HIP1: variants seen among roughly 807,000 people sequenced by gnomAD.
The protein encoded by HIP1 is huntingtin interacting protein 1.
Under a neutral mutation model 147.6 loss-of-function variants are expected in HIP1, and 65 were observed. The ratio of observed to expected loss-of-function variants is 0.44; its 90% confidence interval spans 0.36 to 0.54. The LOEUF (loss-of-function observed/expected upper bound fraction) is 0.54. HIP1 is among the 20% of genes least tolerant of loss of function. HIP1 has a pLI of 0.00. For synonymous variants in HIP1, 479 were observed against 504.0 expected (o/e 0.95, Z 0.67); for missense variants, 1,061 against 1,299.6 (o/e 0.82, Z 2.82).
intron 6 of HIP1, 118 bp downstream of exon 6, chr7:75,581,957 C>A (rs1009969589): frequency 1.7e-5 from 13 of 766,640 alleles, no homozygotes; most frequent in Non-Finnish European, 2.8e-5. Flanking sequence ...CACCCAGGGG[C>A]TTTGGTCCCC....
intron 28 of HIP1, among the ~76,000 whole-genome samples, chr7:75,542,326 G>A (rs587668639): frequency 6.6e-6 from 1 of 151,982 alleles, no homozygotes; most frequent in Non-Finnish European, 1.5e-5. Flanking sequence ...AACCCTGGAG[G>A]CGGAGGTTGC....
rs56245143 is a variant in HIP1, at chr7:75,568,187, T to G, written c.803+12A>C. The G allele has an allele frequency of 6.3e-7, 1 of 1,597,536 alleles. No homozygotes were observed. The highest frequency in any genetic ancestry group is 8.6e-7 in the Non-Finnish European group (1 of 1,164,926). On this transcript the variant is annotated intron_variant, in intron 9 of 30. Coordinates refer to ENST00000336926, the MANE Select transcript of HIP1 (RefSeq NM_005338.7). The surrounding 1 kb of genome is among the most constrained non-coding windows in gnomAD (Gnocchi z 4.1). The stretch of plus-strand genomic sequence containing the variant: ...TGAATTCACCTCCATTCCTGTTACT[T>G]GAACCACTTACTTTGTAAACTGCTC...
chr7:75,591,922 G>A (rs1796513816), intron 4 of HIP1, 134 bp downstream of exon 4: 8 of 784,924 alleles, frequency 1.0e-5, no homozygotes, highest in East Asian at 2.4e-5. Context: ...TCCTTAGTCC[G>A]TCTCTGGCAC....
intron 1 of HIP1, among the ~76,000 whole-genome samples, chr7:75,665,295 A>G (rs1032965206): frequency 3.9e-5 from 6 of 152,000 alleles, no homozygotes; most frequent in Non-Finnish European, 8.8e-5. Flanking sequence ...AACAAAATAA[A>G]GGTCTGGCTG....
In HIP1 at chr7:75,539,493, A is replaced by T. The variant is rs587711789; in HGVS notation, c.2953-62T>A. 3,125 of 1,341,930 alleles carry T rather than the reference A, an allele frequency of 2.3e-3. 45 individuals are homozygous for T. In the African/African-American group the frequency reaches 0.036, roughly 16 times the overall value. The allele number at this position is 1,341,930 out of a possible 1,614,324, so 83.1% of individuals were successfully genotyped here. On this transcript the variant is annotated intron_variant, in intron 29 of 30. Transcript: ENST00000336926. ...TCTCTCAGAGATTTAATTTTTATTT[A>T]TTTTTTTATAGAGATGGGGTCTTGT...
At chr7:75,559,699 C>CGGGGGGGG in intron 14 of HIP1, 33 bp downstream of exon 14, 9 of 1,226,538 alleles carry the variant, frequency 7.3e-6, no homozygotes, top group Non-Finnish European at 1.0e-5. Context: ...CGCCTGCCCC[C>CGGGGGGGG]GGGGCCCGCC....
Position 75,639,562 on chromosome 7 carries a change from C to CGTGTGTGTGTGTGTGT in HIP1, c.121-40331_121-40316dup, listed in dbSNP as rs57827695. 8.8e-4 allele frequency among the ~76,000 whole-genome samples: 121 copies of CGTGTGTGTGTGTGTGT among 137,460 alleles called. 1 individual carries two copies. The highest frequency in any genetic ancestry group is 4.6e-3 in the South Asian group (20 of 4,354). 90.2% of individuals were successfully genotyped at this position (137,460 alleles called of 152,430 possible). A position where few individuals can be genotyped will look rare whatever the true frequency, so the allele number is the denominator to read the frequency against. On this transcript the variant is annotated intron_variant, in intron 1 of 30. Coordinates refer to ENST00000336926, the MANE Select transcript of HIP1 (RefSeq NM_005338.7). ...GAGAGGCCGCCGGCCCGCCAGGAAGCGTGTGTGTGTGTGTGTGTGTGTGTG... is the reference window on the plus strand; with the variant it reads ...GAGAGGCCGCCGGCCCGCCAGGAAGCGTGTGTGTGTGTGTGTGTGTGTGTGTGTGTGTGTGTGTGTG...
chr7:75,647,405 A>G (rs1798835951), intron 1 of HIP1, among the ~76,000 whole-genome samples: 1 of 152,050 alleles, frequency 6.6e-6, no homozygotes. Flanking sequence ...CTCAAAAAAC[A>G]AAACGAAACA....
At chr7:75,633,715 G>T (rs587620316) in intron 1 of HIP1, among the ~76,000 whole-genome samples, 2 of 152,070 alleles carry the variant, frequency 1.3e-5, no homozygotes, top group Non-Finnish European at 2.9e-5. Context: ...TTTGCACAGC[G>T]ATCTCTCCAG....
intron 1 of HIP1, among the ~76,000 whole-genome samples, chr7:75,609,459 A>G (rs974205976): frequency 6.6e-6 from 1 of 150,690 alleles, no homozygotes; most frequent in East Asian, 2.0e-4. Flanking sequence ...CTGGGATACC[A>G]CCTCTCCACC....
chr7:75,558,279 A>ACTCCTCACCTT, intron 14 of HIP1, 24 bp from the exon 15 acceptor site: 2 of 1,588,994 alleles, frequency 1.3e-6, no homozygotes, highest in Non-Finnish European at 1.7e-6. Context: ...GACCAAGGTG[A>ACTCCTCACCTT]GGAGTCTAAC....
intron 1 of HIP1, chr7:75,626,842 T>C (rs1798057476): frequency 6.6e-6 from 1 of 152,110 alleles, no homozygotes; most frequent in African/African-American, 2.4e-5. Context: ...TTTTGACTTA[T>C]ATAAAAGGCA....
At chr7:75,696,677 T>C (rs1470805415) in intron 1 of HIP1, among the ~76,000 whole-genome samples, 1 of 149,122 alleles carries the variant, frequency 6.7e-6, no homozygotes, top group African/African-American at 2.5e-5. Flanking sequence ...CTTGGCTCAC[T>C]GCAGCCTCCA....
intron 1 of HIP1, among the ~76,000 whole-genome samples, chr7:75,685,223 G>A (rs57950900): frequency 0.032 from 4,909 of 152,126 alleles, 255 homozygotes; most frequent in African/African-American, 0.11. Context: ...AACCAGCCTG[G>A]ACAACATAGT....
In HIP1 at chr7:75,568,214, A is replaced by T. The variant is rs17149023; in HGVS notation, c.788T>A (p.Met263Lys). 4,014 of 1,612,700 alleles carry T rather than the reference A, an allele frequency of 2.5e-3. 103 individuals carry two copies. The African/African-American group carries it at 0.046, about 19-fold the overall frequency. ...DTLQGHRDRFMEQFTKLKDLF... is the reference protein window; with the variant it reads ...DTLQGHRDRFKEQFTKLKDLF... ...AACCACTTACTTTGTAAACTGCTCCATGAAGCGGTCCCGGTGGCCTTGCAG... is the reference window on the plus strand; with the variant it reads ...AACCACTTACTTTGTAAACTGCTCCTTGAAGCGGTCCCGGTGGCCTTGCAG... The change falls in exon 9 of 31, where the codon ATG becomes AAG. Residue 263 changes from methionine to lysine, a missense_variant. Met to Lys is a moderately conservative substitution (Grantham distance 95, BLOSUM62 -1). Around this residue, in one of 3 missense-constraint regions of HIP1, gnomAD observed 26 missense variants for 59.9 expected, o/e 0.43. Coordinates refer to ENST00000336926, the MANE Select transcript of HIP1 (RefSeq NM_005338.7). The surrounding 1 kb of genome is among the most constrained non-coding windows in gnomAD (Gnocchi z 4.1).
chr7:75,591,725 A>T (rs1273658805), intron 4 of HIP1, among the ~76,000 whole-genome samples: 1 of 149,882 alleles, frequency 6.7e-6, no homozygotes, highest in Non-Finnish European at 1.5e-5. Context: ...TCTCTACCAA[A>T]AAAAAAAAAA....
At position 75,543,626 on chromosome 7, in the gene HIP1, C is replaced by T. The variant is rs587642966; in HGVS notation, c.2767-652G>A. On this transcript the variant is annotated intron_variant, in intron 27 of 30. Transcript: ENST00000336926. ...TGCTGGGATTACAGGAGCGAGCCAT[C>T]GTGCCCGGCCTGATTCAAATTTGAA... 4.6e-5 allele frequency among the ~76,000 whole-genome samples: 7 copies of T among 152,256 alleles called. No homozygotes were observed. In the South Asian group the frequency reaches 1.2e-3, roughly 27 times the overall value.
At chr7:75,726,358 A>C (rs1801649836) in intron 1 of HIP1, among the ~76,000 whole-genome samples, 2 of 149,780 alleles carry the variant, frequency 1.3e-5, no homozygotes, top group South Asian at 4.2e-4. Flanking sequence ...GTCTTGGCTC[A>C]CTGTAACCTC....
chr7:75,556,668 A>G, intron 17 of HIP1, 42 bp downstream of exon 17: 1 of 1,260,012 alleles, frequency 7.9e-7, no homozygotes, highest in Non-Finnish European at 1.2e-6. Context: ...CCTGAGTGAC[A>G]GAAGAAGACT....
Sources: gnomAD v4.1 joint callset for allele counts (sites outside exome capture counted in the v4.1 genomes callset) on GRCh38, gnomAD v4.1.1 for gene constraint, gnomAD v4.1.1 regional missense constraint, Gnocchi (gnomAD v3.1) non-coding constraint, MANE v1.5 for transcripts, NCBI Gene and HGNC (gene_info 2026-07-23, HGNC 2026-07-21) for gene names.